Variants in FARP2 observed in about 807,000 individuals in gnomAD.
FARP2 encodes FERM, ARH/RhoGEF and pleckstrin domain protein 2, also known as FERM, ARHGEF and pleckstrin domain-containing protein 2.
Under a neutral mutation model 130.5 loss-of-function variants are expected in FARP2, and 111 were observed. That is an observed-to-expected ratio of 0.85 (90% CI 0.73 to 1.00). The LOEUF is 1.00. FARP2 is among the 50% of genes least tolerant of loss of function. The pLI, the probability that FARP2 is intolerant of heterozygous loss-of-function variation, is 0.00. For missense variants in FARP2, 1,385 were observed against 1,346.3 expected (o/e 1.03, Z -0.45); for synonymous variants, 504 against 516.9 (o/e 0.98, Z 0.34).
At chr2:241,437,027 A>G (rs2063248372) in intron 12 of FARP2, among the ~76,000 whole-genome samples, 2 of 152,226 alleles carry the variant, frequency 1.3e-5, no homozygotes, top group Non-Finnish European at 2.9e-5. Flanking sequence ...TGTGCATCAT[A>G]GTGTTGTGTG....
chr2:241,386,379 G>A (rs1021992625), intron 2 of FARP2, among the ~76,000 whole-genome samples: 14 of 152,292 alleles, frequency 9.2e-5, no homozygotes, highest in East Asian at 7.7e-4. Flanking sequence ...GATTACAGGC[G>A]CGAGTCATTG....
At chr2:241,370,432 T>G (rs2061399586) in intron 1 of FARP2, among the ~76,000 whole-genome samples, 1 of 152,168 alleles carries the variant, frequency 6.6e-6, no homozygotes, top group Non-Finnish European at 1.5e-5. Context: ...CACAAAAAAT[T>G]TGAAGTTTGT....
At chr2:241,418,177 G>T (rs1381527587) in intron 8 of FARP2, 68 bp downstream of exon 8, 1 of 1,549,926 alleles carries the variant, frequency 6.5e-7, no homozygotes. Context: ...GGTGGGGTTT[G>T]TTCTTATAGA....
chr2:241,493,113 T>C (rs1019733122), intron 25 of FARP2, 77 bp downstream of exon 25: 4 of 1,139,562 alleles, frequency 3.5e-6, no homozygotes, highest in Admixed American at 3.5e-5. Context: ...TGTGTCCCTT[T>C]TGTATTTTGG....
intron 8 of FARP2, among the ~76,000 whole-genome samples, chr2:241,426,081 A>G (rs1202854415): frequency 6.6e-6 from 1 of 152,118 alleles, no homozygotes; most frequent in African/African-American, 2.4e-5. Flanking sequence ...ACTAGAGGAG[A>G]GAATGAACTA....
At chr2:241,437,407 A>G (rs573844702) in intron 12 of FARP2, among the ~76,000 whole-genome samples, 33 of 152,218 alleles carry the variant, frequency 2.2e-4, no homozygotes, top group Middle Eastern at 3.4e-3. Flanking sequence ...GTCCCTTCCC[A>G]TTTTTATGCT....
rs756627018 is a variant in FARP2, at chr2:241,475,482, C to T, written c.2132-375C>T. Among the ~76,000 whole-genome samples the T allele has an allele frequency of 1.2e-4, 18 of 152,226 alleles. No homozygotes were observed. Among genetic ancestry groups the T allele is most frequent in the Non-Finnish European group, 1.6e-4 (11 of 68,042 alleles). Reference sequence around the variant, plus strand: ...CACTCCCCATTGCTTGCATTACCACCTGAGCTCCTCCTCCTGTCAGATCAG... The same window carrying T: ...CACTCCCCATTGCTTGCATTACCACTTGAGCTCCTCCTCCTGTCAGATCAG... On this transcript the variant is annotated intron_variant, in intron 18 of 26. Coordinates refer to ENST00000264042, the MANE Select transcript of FARP2 (RefSeq NM_014808.4). The surrounding 1 kb of genome is among the most constrained non-coding windows in gnomAD (Gnocchi z 4.4).
At chr2:241,471,611 A>G (rs2064310456) in intron 18 of FARP2, among the ~76,000 whole-genome samples, 1 of 146,866 alleles carries the variant, frequency 6.8e-6, no homozygotes, top group African/African-American at 2.5e-5. Flanking sequence ...CTCCTGCCTC[A>G]GCCTCCCGAG....
intron 19 of FARP2, among the ~76,000 whole-genome samples, chr2:241,476,968 G>T (rs947963359): frequency 6.6e-6 from 1 of 151,970 alleles, no homozygotes; most frequent in Non-Finnish European, 1.5e-5. Flanking sequence ...TGGGGACCTC[G>T]TTCTGCTCCC....
intron 19 of FARP2, 51 bp from the exon 20 acceptor site, chr2:241,483,413 TC>T (rs1574907945): frequency 6.7e-7 from 1 of 1,493,772 alleles, no homozygotes; most frequent in East Asian, 2.3e-5. Flanking sequence ...GGCTAGTGCA[TC>T]CGCCAGCTGC....
At chr2:241,422,754 G>A (rs1395192053) in intron 8 of FARP2, among the ~76,000 whole-genome samples, 4 of 152,116 alleles carry the variant, frequency 2.6e-5, no homozygotes, top group Admixed American at 6.5e-5. Context: ...GCTTATAGCC[G>A]GTTTTGAGAG....
Position 241,475,221 on chromosome 2 carries a change from G to T in FARP2, c.2132-636G>T, listed in dbSNP as rs1396353436. Among the ~76,000 whole-genome samples, 2 of 152,196 alleles carry T rather than the reference G, an allele frequency of 1.3e-5. No homozygotes were observed. The highest frequency in any genetic ancestry group is 4.8e-5 in the African/African-American group (2 of 41,446). Reference sequence around the variant, plus strand: ...AAAGCCTATCCTCTTTGCCAAACCAGAATATGGGCTGGCCAACAGTTTGGG... The same window carrying T: ...AAAGCCTATCCTCTTTGCCAAACCATAATATGGGCTGGCCAACAGTTTGGG... On this transcript the variant is annotated intron_variant, in intron 18 of 26. Coordinates refer to ENST00000264042, the MANE Select transcript of FARP2 (RefSeq NM_014808.4). The surrounding 1 kb of genome is among the most constrained non-coding windows in gnomAD (Gnocchi z 4.4).
chr2:241,456,999 G>T lies in FARP2; in HGVS notation c.1587+77G>T, dbSNP rs978648010. The T allele has an allele frequency of 7.4e-6, 10 of 1,349,770 alleles. No individual in the cohort carries two copies. The African/African-American group carries it at 1.0e-4, about 14-fold the overall frequency. 83.6% of individuals were successfully genotyped at this position (1,349,770 alleles called of 1,614,324 possible). A position where few individuals can be genotyped will look rare whatever the true frequency, so the allele number is the denominator to read the frequency against. On this transcript the variant is annotated intron_variant, in intron 14 of 26. Coordinates refer to ENST00000264042, the MANE Select transcript of FARP2 (RefSeq NM_014808.4). ...TTTCACTGTTCCTTCGGGTGGTGCT[G>T]GTGGGGACCCTGGGGCGGGGCAGGG...
intron 3 of FARP2, among the ~76,000 whole-genome samples, chr2:241,404,134 T>A (rs185875085): frequency 6.6e-6 from 1 of 152,364 alleles, no homozygotes; most frequent in Admixed American, 6.5e-5. Flanking sequence ...TGTTAGCACA[T>A]GTGCTGAGGA....
At position 241,441,194 on chromosome 2, in the gene FARP2, C is replaced by G. The variant is rs1161038288; in HGVS notation, c.1159-110C>G. 7.4e-6 allele frequency: 7 copies of G among 940,590 alleles called. No individual in the cohort carries two copies. The African/African-American group carries it at 8.3e-5, about 11-fold the overall frequency. 58.3% of individuals were successfully genotyped at this position (940,590 alleles called of 1,614,324 possible). On this transcript the variant is annotated intron_variant, in intron 12 of 26. Coordinates refer to ENST00000264042, the MANE Select transcript of FARP2 (RefSeq NM_014808.4). Reference sequence around the variant, plus strand: ...AGTGAATTGCCCATTTTCATGAAAGCTGTGATAGAAATGTGTGGATGCCCT... The same window carrying G: ...AGTGAATTGCCCATTTTCATGAAAGGTGTGATAGAAATGTGTGGATGCCCT...
intron 2 of FARP2, among the ~76,000 whole-genome samples, chr2:241,374,064 T>G (rs1575467235): frequency 6.6e-6 from 1 of 151,674 alleles, no homozygotes; most frequent in Non-Finnish European, 1.5e-5. Context: ...CAGGCTGGAG[T>G]GCAGTGGTGC....
chr2:241,431,763 C>T lies in FARP2; in HGVS notation c.856C>T (p.Pro286Ser). Residue 286 changes from proline (P) to serine (S), a missense_variant, in exon 9 of 27, where the codon CCA becomes TCA. Coordinates refer to ENST00000264042, the MANE Select transcript of FARP2 (RefSeq NM_014808.4). ...GAAAAGATTTCTTATCAAACTTCAT[C>T]CAGAGGTTCATGTAAGTATTATTTT... ...KRKRFLIKLH[P>S]EVHGPYQDTL... is the part of the protein sequence containing the mutation. 6.8e-7 allele frequency: 1 copy of T among 1,465,372 alleles called. No individual in the cohort carries two copies. The highest frequency in any genetic ancestry group is 2.3e-5 in the East Asian group (1 of 43,396). The allele number at this position is 1,465,372 out of a possible 1,614,324, so 90.8% of individuals were successfully genotyped here.
chr2:241,381,047 GGA>G (rs2061650476), intron 2 of FARP2, among the ~76,000 whole-genome samples: 2 of 152,068 alleles, frequency 1.3e-5, no homozygotes, highest in African/African-American at 4.8e-5. Context: ...TTCCAGGGCT[GGA>G]GATTACATTC....
chr2:241,466,234 C>T, intron 17 of FARP2: 12 of 985,460 alleles, frequency 1.2e-5, no homozygotes, highest in Non-Finnish European at 1.3e-5. Context: ...CCCTGTCCCC[C>T]TACAGTGCAA....
Sources: allele counts gnomAD v4.1 joint callset (sites outside exome capture counted in the v4.1 genomes callset), GRCh38; gene constraint gnomAD v4.1.1; non-coding constraint Gnocchi (gnomAD v3.1); transcripts MANE v1.5; gene names NCBI Gene and HGNC (gene_info 2026-07-23, HGNC 2026-07-21).